Variants in PCDH15 observed in about 807,000 individuals in gnomAD.
The protein encoded by PCDH15 is protocadherin related 15, also known as protocadherin-15.
In PCDH15, 129 loss-of-function variants were observed where a neutral mutation model predicts 178.5. That is an observed-to-expected ratio of 0.72 (90% CI 0.63 to 0.84). The LOEUF is 0.84. Among genes scored for constraint, PCDH15 ranks in the 40% least tolerant of loss-of-function variants. The pLI is 0.00. For missense variants in PCDH15, 2,230 were observed against 2,099.9 expected (o/e 1.06, Z -1.21); for synonymous variants, 800 against 732.0 (o/e 1.09, Z -1.50).
chr10:54,359,233 A>T (rs1008437484), intron 5 of PCDH15, among the ~76,000 whole-genome samples: 15 of 152,032 alleles, frequency 9.9e-5, no homozygotes, highest in Non-Finnish European at 2.2e-4. Context: ...ATAGTGCTCT[A>T]ACTTTTTAAA....
At chr10:55,597,376 T>C (rs1212642161) in intron 2 of PCDH15, 1 of 152,150 alleles carries the variant, frequency 6.6e-6, no homozygotes, top group Non-Finnish European at 1.5e-5. Context: ...CTGACTTTAT[T>C]GTTAAATTAG....
At chr10:54,905,412 T>A (rs1954702485) in intron 2 of PCDH15, among the ~76,000 whole-genome samples, 4 of 152,160 alleles carry the variant, frequency 2.6e-5, no homozygotes, top group Admixed American at 1.3e-4. Context: ...AATTATGAGA[T>A]AAATTCAGCT....
intron 13 of PCDH15, among the ~76,000 whole-genome samples, chr10:54,168,627 G>A (rs896214869): frequency 2.4e-4 from 37 of 152,230 alleles, no homozygotes; most frequent in African/African-American, 8.9e-4. Context: ...CAAGGTTAAT[G>A]CTCCTTTTTC....
chr10:54,548,767 A>G (rs144979821), intron 2 of PCDH15, among the ~76,000 whole-genome samples: 144 of 151,074 alleles, frequency 9.5e-4, no homozygotes, highest in African/African-American at 3.4e-3. Context: ...TTTGGTGACA[A>G]CATTTTCCTG....
chr10:54,649,754 G>C (rs1179651715), intron 2 of PCDH15, among the ~76,000 whole-genome samples: 1 of 152,014 alleles, frequency 6.6e-6, no homozygotes, highest in Admixed American at 6.6e-5. Flanking sequence ...TGCAAAAAAG[G>C]TACACTGTGG....
rs548917875 is a variant in PCDH15 at position 53,991,148 on chromosome 10, G to A, written c.2868+4501C>T. Among the ~76,000 whole-genome samples, 11 of 152,236 alleles carry A rather than the reference G, an allele frequency of 7.2e-5. No individual in the cohort carries two copies. In the East Asian group the frequency reaches 2.1e-3, roughly 30 times the overall value. On this transcript the variant is annotated intron_variant, in intron 21 of 37. Transcript: ENST00000644397. ...TCTCCCCAACAGGGTGCTGCCCCCT[G>A]CTCCATGGCGCCCGGTCCCATCAAC...
chr10:54,691,218 A>C (rs1192041235), intron 1 of PCDH15, among the ~76,000 whole-genome samples: 1 of 152,070 alleles, frequency 6.6e-6, no homozygotes, highest in Non-Finnish European at 1.5e-5. Context: ...ATGTTTGTTT[A>C]TATTTAGGAG....
At chr10:53,828,130 C>T (rs185867384) in intron 31 of PCDH15, among the ~76,000 whole-genome samples, 11 of 145,392 alleles carry the variant, frequency 7.6e-5, no homozygotes, top group Admixed American at 2.8e-4. Context: ...CGCTTGAACC[C>T]GGGAGGCGGA....
intron 1 of PCDH15, among the ~76,000 whole-genome samples, chr10:54,721,197 A>T (rs1279749866): frequency 6.6e-6 from 1 of 152,022 alleles, no homozygotes; most frequent in Admixed American, 6.6e-5. Flanking sequence ...TTGAAAATAC[A>T]GACACAATAT....
intron 2 of PCDH15, among the ~76,000 whole-genome samples, chr10:55,379,896 G>C (rs571206734): frequency 6.6e-6 from 1 of 152,166 alleles, no homozygotes; most frequent in South Asian, 2.1e-4. Context: ...AGAGAAGGCA[G>C]TTATTCTAGA....
chr10:55,126,869 G>T (rs117422725), intron 2 of PCDH15, among the ~76,000 whole-genome samples: 2,096 of 150,718 alleles, frequency 0.014, 23 homozygotes, highest in South Asian at 0.033. Context: ...TCCTACAATT[G>T]CCTTAAATAC....
At chr10:53,830,919 C>T (rs558917146) in intron 30 of PCDH15, among the ~76,000 whole-genome samples, 9 of 152,284 alleles carry the variant, frequency 5.9e-5, no homozygotes, top group East Asian at 3.9e-4. Context: ...GACAATGTCG[C>T]GAAGTTATTG....
chr10:54,243,518 T>C (rs933824440), intron 8 of PCDH15, among the ~76,000 whole-genome samples: 1 of 152,040 alleles, frequency 6.6e-6, no homozygotes, highest in African/African-American at 2.4e-5. Context: ...AAAAAAAAAG[T>C]TAGTGAACAT....
intron 1 of PCDH15, among the ~76,000 whole-genome samples, chr10:55,279,364 C>G (rs1842672457): frequency 6.6e-6 from 1 of 152,056 alleles, no homozygotes; most frequent in Non-Finnish European, 1.5e-5. Flanking sequence ...AAATTTTCAG[C>G]CTTTTTTGGA....
chr10:54,660,158 T>C (rs2094468824), intron 2 of PCDH15, among the ~76,000 whole-genome samples: 1 of 152,020 alleles, frequency 6.6e-6, no homozygotes, highest in Non-Finnish European at 1.5e-5. Flanking sequence ...TTTGAAAGGA[T>C]AAATAAAATT....
intron 3 of PCDH15, among the ~76,000 whole-genome samples, chr10:54,406,739 T>C (rs1341002067): frequency 6.6e-6 from 1 of 151,832 alleles, no homozygotes; most frequent in African/African-American, 2.4e-5. Context: ...AACCCCTACC[T>C]CCTAACAAAC....
At chr10:54,319,713 GTATT>G (rs1259256617) in intron 7 of PCDH15, among the ~76,000 whole-genome samples, 1 of 137,738 alleles carries the variant, frequency 7.3e-6, no homozygotes, top group South Asian at 2.2e-4. Context: ...TAACAGACCT[GTATT>G]TTTTTTTTTT....
chr10:54,783,901 T>C (rs1950598544), intron 1 of PCDH15, among the ~76,000 whole-genome samples: 1 of 152,052 alleles, frequency 6.6e-6, no homozygotes, highest in African/African-American at 2.4e-5. Context: ...ACTGGGCAAT[T>C]TACAAAGAAG....
chr10:53,835,832 G>C (rs924246833), intron 29 of PCDH15, among the ~76,000 whole-genome samples: 28 of 152,308 alleles, frequency 1.8e-4, no homozygotes, highest in African/African-American at 6.7e-4. Flanking sequence ...CACAAGGGGA[G>C]TCTCCCCTCA....
Sources: gnomAD v4.1 joint callset for allele counts (sites outside exome capture counted in the v4.1 genomes callset) on GRCh38, gnomAD v4.1.1 for gene constraint, MANE v1.5 for transcripts, NCBI Gene and HGNC (gene_info 2026-07-23, HGNC 2026-07-21) for gene names.